Variants in EYS observed in about 807,000 individuals in gnomAD.
EYS encodes the protein EGF-like photoreceptor maintenance factor.
EYS carries 250 observed loss-of-function variants against 282.1 expected under a neutral mutation model. The observed-to-expected ratio is 0.89, with a 90% CI of 0.80 to 0.98. The LOEUF (loss-of-function observed/expected upper bound fraction) is 0.98. Ranked by LOEUF, EYS falls within the 50% of genes least tolerant of loss-of-function variation. EYS has a pLI of 0.00. For missense variants in EYS, 4,016 were observed against 3,709.0 expected (o/e 1.08, Z -2.15); for synonymous variants, 1,355 against 1,282.9 (o/e 1.06, Z -1.20).
chr6:64,096,602 C>A (rs1284347496), intron 31 of EYS, among the ~76,000 whole-genome samples: 1 of 152,220 alleles, frequency 6.6e-6, no homozygotes. Flanking sequence ...TCAGCTCCAT[C>A]AGGTCCTTTA....
At chr6:64,433,614 T>C (rs991441038) in intron 28 of EYS, among the ~76,000 whole-genome samples, 1 of 151,944 alleles carries the variant, frequency 6.6e-6, no homozygotes, top group African/African-American at 2.4e-5. Context: ...TTGATAAAAA[T>C]AAGAAGCAAT....
At chr6:65,484,973 T>C (rs1004827283) in intron 5 of EYS, among the ~76,000 whole-genome samples, 3 of 152,194 alleles carry the variant, frequency 2.0e-5, no homozygotes, top group African/African-American at 2.4e-5. Flanking sequence ...ACCATATGGA[T>C]CAAGAAGTCT....
chr6:65,286,330 C>T (rs1332175823), intron 12 of EYS, among the ~76,000 whole-genome samples: 1 of 151,658 alleles, frequency 6.6e-6, no homozygotes, highest in Non-Finnish European at 1.5e-5. Context: ...TTACAGTTAC[C>T]TTGCATTTCA....
At chr6:65,284,765 A>T (rs1768314624) in intron 12 of EYS, among the ~76,000 whole-genome samples, 1 of 152,128 alleles carries the variant, frequency 6.6e-6, no homozygotes. Flanking sequence ...GAATGGATGG[A>T]TGAATCCATA....
At position 64,575,486 on chromosome 6, in the gene EYS, A is replaced by T. The variant is rs532786878; in HGVS notation, c.5644+14737T>A. ...AGACAGCTTCATGGCAGAAGCAAGG[A>T]GTCCAGGGAAGGTGGTAAGAACTGC... On this transcript the variant is annotated intron_variant, in intron 26 of 42. Transcript: ENST00000503581. 1.5e-4 allele frequency among the ~76,000 whole-genome samples: 23 copies of T among 152,252 alleles called. No individual in the cohort carries two copies. In the South Asian group the frequency reaches 4.8e-3, roughly 32 times the overall value.
intron 30 of EYS, among the ~76,000 whole-genome samples, chr6:64,231,697 A>G (rs796408242): frequency 5.3e-5 from 8 of 152,276 alleles, no homozygotes; most frequent in African/African-American, 1.9e-4. Context: ...ATTTAGATGT[A>G]TATATTCATT....
chr6:65,068,519 T>A (rs1041829955), intron 12 of EYS, among the ~76,000 whole-genome samples: 2 of 152,038 alleles, frequency 1.3e-5, no homozygotes, highest in African/African-American at 4.8e-5. Flanking sequence ...CTCCTTTGAA[T>A]TTTTTTAGTG....
intron 12 of EYS, among the ~76,000 whole-genome samples, chr6:65,146,073 CT>C (rs1435950044): frequency 2.0e-5 from 3 of 151,546 alleles, no homozygotes; most frequent in African/African-American, 7.3e-5. Context: ...GTTTTGACTA[CT>C]TTTTTGGTCA....
intron 19 of EYS, among the ~76,000 whole-genome samples, chr6:64,860,318 C>G (rs553137361): frequency 4.6e-5 from 7 of 152,230 alleles, no homozygotes; most frequent in Non-Finnish European, 1.0e-4. Context: ...AGGCTGTGCT[C>G]AGCTCATGCT....
chr6:64,962,014 T>C (rs541045459), intron 14 of EYS, among the ~76,000 whole-genome samples: 1 of 152,286 alleles, frequency 6.6e-6, no homozygotes, highest in South Asian at 2.1e-4. Flanking sequence ...AAAAACATAA[T>C]CATAACTTCC....
intron 22 of EYS, among the ~76,000 whole-genome samples, chr6:64,742,109 C>T (rs1772394324): frequency 1.3e-5 from 2 of 152,112 alleles, no homozygotes; most frequent in Admixed American, 1.3e-4. Context: ...AAGTGAGACA[C>T]ATGTAACTCT....
chr6:63,943,771 C>G (rs959583299), intron 35 of EYS, among the ~76,000 whole-genome samples: 4 of 152,212 alleles, frequency 2.6e-5, no homozygotes, highest in East Asian at 1.9e-4. Flanking sequence ...AGTAACTTGA[C>G]AAAATTACTA....
At chr6:64,074,617 A>T (rs1268723382) in intron 32 of EYS, among the ~76,000 whole-genome samples, 1 of 151,756 alleles carries the variant, frequency 6.6e-6, no homozygotes, top group Non-Finnish European at 1.5e-5. Flanking sequence ...TATTCAAAAG[A>T]GGTTCATTGG....
At position 64,673,663 on chromosome 6, in the gene EYS, C is replaced by T. The variant is rs529663722; in HGVS notation, c.3444-47418G>A. Among the ~76,000 whole-genome samples, 7 of 152,088 alleles carry T rather than the reference C, an allele frequency of 4.6e-5. No individual in the cohort carries two copies. In the East Asian group the frequency reaches 1.2e-3, roughly 25 times the overall value. On this transcript the variant is annotated intron_variant, in intron 22 of 42. Transcript: ENST00000503581. ...GATCTTTATAAATGATCAACCTCTCCTGGATGTGATATTTTCTGCTAAATT... is the reference window on the plus strand; with the variant it reads ...GATCTTTATAAATGATCAACCTCTCTTGGATGTGATATTTTCTGCTAAATT...
chr6:64,222,144 A>T (rs7747822), intron 31 of EYS, among the ~76,000 whole-genome samples: 3 of 152,062 alleles, frequency 2.0e-5, no homozygotes, highest in Non-Finnish European at 4.4e-5. Context: ...CACAGAGAAA[A>T]CTTACCAAAA....
chr6:64,095,776 T>A (rs536886795), intron 31 of EYS, among the ~76,000 whole-genome samples: 31 of 152,346 alleles, frequency 2.0e-4, no homozygotes, highest in Non-Finnish European at 4.3e-4. Flanking sequence ...TATTGTTGTG[T>A]GTGAATTTGA....
Position 64,396,835 on chromosome 6 carries a change from AAT to A in EYS, c.5928-7997_5928-7996del, listed in dbSNP as rs1411193341. Among the ~76,000 whole-genome samples the A allele has an allele frequency of 2.0e-5, 3 of 152,072 alleles. No individual in the cohort carries two copies. The East Asian group carries it at 5.8e-4, about 29-fold the overall frequency. On this transcript the variant is annotated intron_variant, in intron 28 of 42. Coordinates refer to ENST00000503581, the MANE Select transcript of EYS (RefSeq NM_001142800.2). ...GACTTACTCTAAAAGTACAGTATTT[AAT>A]ACACAGTAGAGTAAGTCCTCCTACT... is the stretch of plus-strand genomic sequence containing the variant.
chr6:63,804,799 G>A (rs1468473523), intron 37 of EYS, among the ~76,000 whole-genome samples: 1 of 152,198 alleles, frequency 6.6e-6, no homozygotes, highest in African/African-American at 2.4e-5. Flanking sequence ...AACCTTTTAA[G>A]AGGCTAACTC....
At chr6:65,119,899 A>G (rs1775479936) in intron 12 of EYS, among the ~76,000 whole-genome samples, 1 of 151,362 alleles carries the variant, frequency 6.6e-6, no homozygotes, top group Non-Finnish European at 1.5e-5. Context: ...GCACTTTGGG[A>G]GGCCGAGGTG....
Sources: gnomAD v4.1 joint callset for allele counts (sites outside exome capture counted in the v4.1 genomes callset) on GRCh38, gnomAD v4.1.1 for gene constraint, MANE v1.5 for transcripts, NCBI Gene and HGNC (gene_info 2026-07-23, HGNC 2026-07-21) for gene names.